Variants in CFAP20DC observed in about 807,000 individuals in gnomAD.
CFAP20DC encodes the protein protein CFAP20DC.
Under a neutral mutation model 101.7 loss-of-function variants are expected in CFAP20DC, and 84 were observed. That is an observed-to-expected ratio of 0.83 (90% CI 0.69 to 0.99). The LOEUF (loss-of-function observed/expected upper bound fraction) is 0.99, where lower values mean the gene tolerates loss of function less well. Among genes scored for constraint, CFAP20DC ranks in the 50% least tolerant of loss-of-function variants. CFAP20DC has a pLI of 0.00. For synonymous variants in CFAP20DC, 359 were observed against 351.2 expected (o/e 1.02, Z -0.25); for missense variants, 1,007 against 970.3 (o/e 1.04, Z -0.50).
At chr3:58,933,904 C>T (rs925911711) in intron 5 of CFAP20DC, among the ~76,000 whole-genome samples, 5 of 151,398 alleles carry the variant, frequency 3.3e-5, no homozygotes, top group Non-Finnish European at 7.4e-5. Context: ...TAGCAGAAGG[C>T]GAGAAATAAC....
chr3:58,966,535 T>TA (rs1491110496), intron 4 of CFAP20DC, among the ~76,000 whole-genome samples: 34 of 125,980 alleles, frequency 2.7e-4, no homozygotes, highest in South Asian at 1.9e-3. Context: ...TATATATATA[T>TA]TTTTTTTAGA....
At chr3:58,768,406 G>A (rs999781119) in intron 15 of CFAP20DC, among the ~76,000 whole-genome samples, 3 of 152,152 alleles carry the variant, frequency 2.0e-5, no homozygotes, top group Non-Finnish European at 2.9e-5. Context: ...AACCAGTTTG[G>A]GATGATGGAA....
At chr3:58,862,959 C>G in intron 12 of CFAP20DC, 2 of 973,714 alleles carry the variant, frequency 2.1e-6, no homozygotes, top group Non-Finnish European at 2.4e-6. Flanking sequence ...AAACTTTTTA[C>G]GAATTTGCTA....
intron 4 of CFAP20DC, among the ~76,000 whole-genome samples, chr3:58,980,342 C>G (rs2092475455): frequency 6.6e-6 from 1 of 152,152 alleles, no homozygotes. Flanking sequence ...GGAATCCTCC[C>G]TAACTCATTT....
rs1051475104 is a variant in CFAP20DC, at chr3:58,897,075, G to T, written c.551-12366C>A. Among the ~76,000 whole-genome samples the T allele has an allele frequency of 2.0e-5, 3 of 152,044 alleles. No individual in the cohort carries two copies. Among genetic ancestry groups the T allele is most frequent in the African/African-American group, 7.2e-5 (3 of 41,384 alleles). ...TTATGAACCTGCATGCTCCTGTATT[G>T]GGTGCATATGTATTTAGGATTGTTA... is the stretch of plus-strand genomic sequence containing the variant. On this transcript the variant is annotated intron_variant, in intron 6 of 16. Coordinates refer to ENST00000482387, the MANE Select transcript of CFAP20DC (RefSeq NM_001394063.1). The surrounding 1 kb of genome is among the most constrained non-coding windows in gnomAD (Gnocchi z 4.4).
intron 14 of CFAP20DC, among the ~76,000 whole-genome samples, chr3:58,816,400 G>A (rs1177152246): frequency 2.0e-5 from 3 of 152,190 alleles, no homozygotes; most frequent in Non-Finnish European, 4.4e-5. Context: ...TCACTAGGGA[G>A]TGCCAGACAG....
chr3:58,952,488 T>G (rs1202692840), intron 4 of CFAP20DC, among the ~76,000 whole-genome samples: 1 of 152,160 alleles, frequency 6.6e-6, no homozygotes, highest in Non-Finnish European at 1.5e-5. Context: ...GTAACCATCA[T>G]CAACTTGGGT....
chr3:59,046,291 A>C lies in CFAP20DC; in HGVS notation c.143T>G (p.Phe48Cys). The change falls in exon 3 of 17, where the codon TTT becomes TGT. Residue 48 changes from phenylalanine to cysteine, a missense_variant. By Grantham distance (205) the Phe-to-Cys change is radical. Coordinates refer to ENST00000482387, the MANE Select transcript of CFAP20DC (RefSeq NM_001394063.1). Reference protein sequence around the residue: ...EFDKEVKSFVFVLEGSSQTNK... With the variant: ...EFDKEVKSFVCVLEGSSQTNK... ...TGTTTGGCTGCTGCCTTCCAGGACA[A>C]ACACAAAACTTTTAACTTCTTTATC... 1 of 1,531,278 alleles carries C rather than the reference A, an allele frequency of 6.5e-7. No homozygotes were observed. Among genetic ancestry groups the C allele is most frequent in the Non-Finnish European group, 8.7e-7 (1 of 1,145,004 alleles). 94.9% of individuals were successfully genotyped at this position (1,531,278 alleles called of 1,614,324 possible).
At chr3:58,840,905 G>C (rs2077056549) in intron 13 of CFAP20DC, among the ~76,000 whole-genome samples, 1 of 152,210 alleles carries the variant, frequency 6.6e-6, no homozygotes, top group African/African-American at 2.4e-5. Context: ...GCATAGATAA[G>C]AAAGAACAAA....
chr3:58,811,542 A>G (rs967833485), intron 14 of CFAP20DC, among the ~76,000 whole-genome samples: 5 of 152,104 alleles, frequency 3.3e-5, no homozygotes, highest in African/African-American at 9.7e-5. Context: ...TATACCTTAT[A>G]AAAAAATTAA....
Position 59,002,711 on chromosome 3 carries a change from T to G in CFAP20DC, c.278+36846A>C, listed in dbSNP as rs2093342035. Among the ~76,000 whole-genome samples, 1 of 152,220 alleles carries G rather than the reference T, an allele frequency of 6.6e-6. No individual in the cohort carries two copies. Among genetic ancestry groups the G allele is most frequent in the Admixed American group, 6.5e-5 (1 of 15,286 alleles). ...CAGACTTATCAATGAGGATTGGTTC[T>G]ATTTTTCTTCAACTTTCTTCCTCAC... is the stretch of plus-strand genomic sequence containing the variant. On this transcript the variant is annotated intron_variant, in intron 4 of 16. Transcript: ENST00000482387. This position sits in a 1 kb window ranked among gnomAD's most constrained non-coding sequence, Gnocchi z 4.5.
chr3:58,720,983 G>A (rs904281258), intron 3 of CFAP20DC, among the ~76,000 whole-genome samples: 1 of 152,194 alleles, frequency 6.6e-6, no homozygotes, highest in Non-Finnish European at 1.5e-5. Context: ...GGCGGGAGAG[G>A]AGAAGCACTT....
chr3:58,845,639 G>A (rs1464019927), intron 13 of CFAP20DC, among the ~76,000 whole-genome samples: 1 of 152,124 alleles, frequency 6.6e-6, no homozygotes, highest in East Asian at 1.9e-4. Context: ...TACAAAAAGA[G>A]GGAATCCTCC....
chr3:58,727,031 GA>G, intron 3 of CFAP20DC: 1 of 254,826 alleles, frequency 3.9e-6, no homozygotes, highest in Non-Finnish European at 7.8e-6. Flanking sequence ...CACACCATCA[GA>G]AAAGATGAGA....
chr3:58,906,345 T>C (rs1377729888), intron 6 of CFAP20DC, among the ~76,000 whole-genome samples: 1 of 152,208 alleles, frequency 6.6e-6, no homozygotes, highest in Non-Finnish European at 1.5e-5. Context: ...ATTGTCTTCA[T>C]AATGAACTCT....
rs1284001671 is a variant in CFAP20DC, at chr3:58,899,591, T to A, written c.550+14117A>T. Among the ~76,000 whole-genome samples the A allele has an allele frequency of 2.0e-5, 3 of 152,144 alleles. No homozygotes were observed. The highest frequency in any genetic ancestry group is 7.2e-5 in the African/African-American group (3 of 41,422). On this transcript the variant is annotated intron_variant, in intron 6 of 16. Transcript: ENST00000482387. This position sits in a 1 kb window ranked among gnomAD's most constrained non-coding sequence, Gnocchi z 5.0. The stretch of plus-strand genomic sequence containing the variant: ...CTGGGACTCCACACAGCTCTGTTTA[T>A]TGGACCCAGTACCCTGGTGGCATGC...
chr3:58,845,282 A>G lies in CFAP20DC; in HGVS notation c.1971+3750T>C, dbSNP rs1229862075. 4.9e-3 allele frequency among the ~76,000 whole-genome samples: 742 copies of G among 151,510 alleles called. 3 individuals are homozygous for G. Among genetic ancestry groups the G allele is most frequent in the African/African-American group, 0.017 (695 of 41,376 alleles). ...GACCTCTAGCAAGACTAATAAAGAA[A>G]AAAAGAGAGAAGAATCAAATAGATG... On this transcript the variant is annotated intron_variant, in intron 13 of 16. Coordinates refer to ENST00000482387, the MANE Select transcript of CFAP20DC (RefSeq NM_001394063.1).
At chr3:58,940,794 T>C (rs1261699476) in intron 4 of CFAP20DC, among the ~76,000 whole-genome samples, 2 of 152,250 alleles carry the variant, frequency 1.3e-5, no homozygotes, top group Non-Finnish European at 2.9e-5. Context: ...AATCCATTTA[T>C]CATTTTCTAT....
intron 4 of CFAP20DC, among the ~76,000 whole-genome samples, chr3:58,966,376 T>C (rs1195515402): frequency 1.3e-5 from 2 of 151,906 alleles, no homozygotes; most frequent in African/African-American, 2.4e-5. Flanking sequence ...TGGCCTGAAG[T>C]AAATACTAAG....
Sources: gnomAD v4.1 joint callset for allele counts (sites outside exome capture counted in the v4.1 genomes callset) on GRCh38, gnomAD v4.1.1 for gene constraint, Gnocchi (gnomAD v3.1) non-coding constraint, MANE v1.5 for transcripts, NCBI Gene and HGNC (gene_info 2026-07-23, HGNC 2026-07-21) for gene names.